The following SERPINI2 variants were observed in gnomAD, a reference collection of about 807,000 sequenced individuals.
The protein encoded by SERPINI2 is serpin I2.
A neutral mutation model predicts 47.3 loss-of-function variants in SERPINI2; 48 were observed. That is an observed-to-expected ratio of 1.02 (90% CI 0.81 to 1.29). The LOEUF (loss-of-function observed/expected upper bound fraction) is 1.29, where lower values mean the gene tolerates loss of function less well. Ranked by LOEUF, SERPINI2 falls within the 50% of genes most tolerant of loss-of-function variation. SERPINI2 has a pLI of 0.00. For synonymous variants in SERPINI2, 135 were observed against 149.3 expected (o/e 0.90, Z 0.70); for missense variants, 448 against 456.9 (o/e 0.98, Z 0.18).
intron 5 of SERPINI2, among the ~76,000 whole-genome samples, chr3:167,461,437 C>T (rs1027654525): frequency 3.3e-5 from 5 of 152,104 alleles, no homozygotes; most frequent in African/African-American, 1.2e-4. Flanking sequence ...AACGAAGATT[C>T]AAATTCAGCT....
exon 4 of SERPINI2, chr3:167,465,665 T>C: frequency 6.2e-7 from 1 of 1,606,390 alleles, no homozygotes; most frequent in Non-Finnish European, 8.5e-7. Context: ...AACATGTCTT[T>C]AATTTTTCCT....
chr3:167,458,245 CTTTTT>C (rs949215365), intron 5 of SERPINI2, among the ~76,000 whole-genome samples: 5 of 105,222 alleles, frequency 4.8e-5, no homozygotes, highest in Non-Finnish European at 9.3e-5. Context: ...GAATTTCTTT[CTTTTT>C]TTTTTTTTTT....
chr3:167,460,620 AG>A (rs1325145441), intron 5 of SERPINI2, among the ~76,000 whole-genome samples: 1 of 152,196 alleles, frequency 6.6e-6, no homozygotes, highest in African/African-American at 2.4e-5. Context: ...GAATTTAGAA[AG>A]AAAAAAATCT....
chr3:167,446,709 T>C (rs1749489714), intron 7 of SERPINI2: 2 of 280,252 alleles, frequency 7.1e-6, no homozygotes, highest in Non-Finnish European at 1.3e-5. Flanking sequence ...TTTATATGTA[T>C]GCTCAATGAA....
At chr3:167,471,767 G>A (rs971970397) in exon 2 of SERPINI2, 1 of 1,613,382 alleles carries the variant, frequency 6.2e-7, no homozygotes. Flanking sequence ...ATTTTTTTGA[G>A]CTGAGCATCT....
intron 5 of SERPINI2, among the ~76,000 whole-genome samples, chr3:167,457,926 G>A (rs1378254223): frequency 6.6e-6 from 1 of 152,156 alleles, no homozygotes; most frequent in African/African-American, 2.4e-5. Context: ...CGTTGGCAGG[G>A]GTGGGGGATA....
At chr3:167,448,546 G>A (rs1467689960) in intron 7 of SERPINI2, among the ~76,000 whole-genome samples, 2 of 152,176 alleles carry the variant, frequency 1.3e-5, no homozygotes, top group African/African-American at 4.8e-5. Context: ...GTTTTGAGAT[G>A]GAGTCTCGCT....
chr3:167,452,569 T>G (rs1749671966), intron 6 of SERPINI2, among the ~76,000 whole-genome samples: 2 of 152,220 alleles, frequency 1.3e-5, no homozygotes, highest in Admixed American at 6.5e-5. Context: ...ATTTGCAAAT[T>G]GGTTTATAAG....
Position 167,473,751 on chromosome 3 carries a change from G to A in SERPINI2, c.-11+252C>T, listed in dbSNP as rs185827542. On this transcript the variant is annotated intron_variant, in intron 1 of 8. Coordinates refer to ENST00000264677, the Ensembl canonical transcript of SERPINI2. ...AACTCACTTACCTCATCAGGTTTTG[G>A]ATCATATCTTATCAGAAAGCACAAA... 3,932 of 1,482,480 alleles carry A rather than the reference G, an allele frequency of 2.7e-3. 10 individuals are homozygous for A. The highest frequency in any genetic ancestry group is 4.6e-3 in the Admixed American group (212 of 45,958). The allele number at this position is 1,482,480 out of a possible 1,614,324, so 91.8% of individuals were successfully genotyped here. A position where few individuals can be genotyped will look rare whatever the true frequency, so the allele number is the denominator to read the frequency against.
chr3:167,460,910 C>G (rs541532617), intron 5 of SERPINI2, among the ~76,000 whole-genome samples: 56 of 152,182 alleles, frequency 3.7e-4, no homozygotes, highest in African/African-American at 1.3e-3. Flanking sequence ...ACAACAGAAA[C>G]TAAAATGAGC....
chr3:167,474,184 G>A (rs191083052), upstream of SERPINI2: 92 of 950,326 alleles, frequency 9.7e-5, no homozygotes, highest in Middle Eastern at 1.1e-3. Context: ...TAACACAATC[G>A]GGTTAATGAT....
At chr3:167,468,825 G>A (rs1661961425) in intron 2 of SERPINI2, among the ~76,000 whole-genome samples, 2 of 152,062 alleles carry the variant, frequency 1.3e-5, no homozygotes, top group African/African-American at 2.4e-5. Flanking sequence ...GTAAAGACAC[G>A]AGAGCTTTTC....
chr3:167,464,009 C>CAT (rs1491152177), intron 5 of SERPINI2, among the ~76,000 whole-genome samples: 3 of 93,274 alleles, frequency 3.2e-5, no homozygotes, highest in Admixed American at 2.4e-4. Flanking sequence ...ACAGGAGTGG[C>CAT]TTTTTTTTTT....
rs1451060923 is a variant in SERPINI2, at chr3:167,473,935, T to C, written c.-11+68A>G. The stretch of plus-strand genomic sequence containing the variant: ...ATTGAAATGCCATTCCATACTCTAC[T>C]AAACATTCATAGGCAATGTTATTGC... On this transcript the variant is annotated intron_variant, in intron 1 of 8. Transcript: ENST00000264677. The C allele has an allele frequency of 3.4e-6, 4 of 1,182,146 alleles. No homozygotes were observed. The East Asian group carries it at 9.9e-5, about 29-fold the overall frequency. 73.2% of individuals were successfully genotyped at this position (1,182,146 alleles called of 1,614,324 possible). A position where few individuals can be genotyped will look rare whatever the true frequency, so the allele number is the denominator to read the frequency against.
intron 5 of SERPINI2, among the ~76,000 whole-genome samples, chr3:167,455,437 C>T (rs1474389178): frequency 6.6e-6 from 1 of 152,014 alleles, no homozygotes; most frequent in Non-Finnish European, 1.5e-5. Flanking sequence ...TTCCTTTCCC[C>T]TTATCCCCAG....
intron 5 of SERPINI2, among the ~76,000 whole-genome samples, chr3:167,455,230 C>A (rs1749750981): frequency 6.6e-6 from 1 of 152,142 alleles, no homozygotes; most frequent in South Asian, 2.1e-4. Context: ...GCAACTAAAT[C>A]ATGAATGGAA....
chr3:167,445,113 A>G lies in SERPINI2; in HGVS notation c.1141+1279T>C, dbSNP rs532130476. On this transcript the variant is annotated intron_variant, in intron 8 of 8. Coordinates refer to ENST00000264677, the Ensembl canonical transcript of SERPINI2. ...CTAGAATTGAAGTTGTGTTAATGCA[A>G]TCTCATCAATTCTAAAACTGTTTCA... Among the ~76,000 whole-genome samples the G allele has an allele frequency of 1.9e-3, 286 of 152,278 alleles. 1 individual carries two copies. Among genetic ancestry groups the G allele is most frequent in the African/African-American group, 6.5e-3 (270 of 41,576 alleles).
At chr3:167,451,045 A>C (rs1214377283) in intron 6 of SERPINI2, among the ~76,000 whole-genome samples, 1 of 152,238 alleles carries the variant, frequency 6.6e-6, no homozygotes, top group Non-Finnish European at 1.5e-5. Flanking sequence ...TTAAATTAAG[A>C]GAACAAGAAA....
exon 5 of SERPINI2, chr3:167,465,328 T>G: frequency 6.2e-7 from 1 of 1,613,026 alleles, no homozygotes; most frequent in South Asian, 1.1e-5. Context: ...GTATGATAAT[T>G]AAGCTAAATT....
Sources: gnomAD v4.1 joint callset for allele counts (sites outside exome capture counted in the v4.1 genomes callset) on GRCh38, gnomAD v4.1.1 for gene constraint, MANE v1.5 for transcripts, NCBI Gene and HGNC (gene_info 2026-07-23, HGNC 2026-07-21) for gene names.